ZNF550: variants seen among roughly 807,000 people sequenced by gnomAD.
The protein encoded by ZNF550 is zinc finger protein 550.
In ZNF550, 42 loss-of-function variants were observed where a neutral mutation model predicts 40.2. The observed-to-expected ratio is 1.05, with a 90% CI of 0.82 to 1.35. ZNF550 has a LOEUF of 1.35. ZNF550 is among the 40% of genes most tolerant of loss of function. The pLI, the probability that ZNF550 is intolerant of heterozygous loss-of-function variation, is 0.00. For synonymous variants in ZNF550, 223 were observed against 198.6 expected, an observed-to-expected ratio of 1.12 and a Z score of -1.03; for missense variants, 549 against 525.2, an observed-to-expected ratio of 1.05 and a Z score of -0.44.
At chr19:57,559,518 C>T in intron 1 of ZNF550, 138 bp downstream of exon 1, 1 of 828,402 alleles carries the variant, frequency 1.2e-6, no homozygotes, top group Non-Finnish European at 1.6e-6. Flanking sequence ...GACCCGGGAC[C>T]GCGCGACCCC....
intron 4 of ZNF550, chr19:57,543,320 C>T (rs1296219523): frequency 2.4e-6 from 1 of 425,066 alleles, no homozygotes; most frequent in Non-Finnish European, 3.1e-6. Flanking sequence ...TCTGACATTC[C>T]CCTCTACCCC....
At chr19:57,547,187 T>C (rs1329452868) in exon 4 of ZNF550, 3 of 1,611,652 alleles carry the variant, frequency 1.9e-6, no homozygotes, top group Non-Finnish European at 2.5e-6. Flanking sequence ...GAGCTGCATC[T>C]GAAGGCCTTT....
intron 3 of ZNF550, among the ~76,000 whole-genome samples, chr19:57,551,078 A>T (rs914970468): frequency 3.9e-5 from 6 of 151,960 alleles, no homozygotes; most frequent in South Asian, 4.1e-4. Flanking sequence ...GATTTTTTTT[A>T]AAAAAAGCAA....
At chr19:57,555,891 G>A in intron 2 of ZNF550, 1 of 308,158 alleles carries the variant, frequency 3.2e-6, no homozygotes, top group Non-Finnish European at 6.3e-6. Context: ...CTTCTGGGGG[G>A]CTGCCTGACT....
intron 4 of ZNF550, among the ~76,000 whole-genome samples, chr19:57,544,740 A>G (rs114204778): frequency 7.9e-5 from 12 of 152,346 alleles, no homozygotes; most frequent in African/African-American, 2.9e-4. Context: ...TGAGAAAATG[A>G]TAATTTTCTA....
intron 3 of ZNF550, among the ~76,000 whole-genome samples, chr19:57,549,335 C>T (rs887259259): frequency 6.6e-6 from 1 of 152,072 alleles, no homozygotes; most frequent in African/African-American, 2.4e-5. Context: ...ATCCCAGCTA[C>T]TCGGGAGGCT....
chr19:57,556,544 TGA>T lies in ZNF550; in HGVS notation c.28-189_28-188del, dbSNP rs2090123258. 4.8e-6 allele frequency: 3 copies of T among 621,978 alleles called. No individual in the cohort carries two copies. The Admixed American group carries it at 9.9e-5, about 21-fold the overall frequency. The allele number at this position is 621,978 out of a possible 1,614,324, so 38.5% of individuals were successfully genotyped here. On this transcript the variant is annotated intron_variant, in intron 1 of 4. Transcript: ENST00000457177. ...TGCCTTTTGACAATGCAATTGTGCC[TGA>T]GAGAAAAGCCTTCTATGGGGAAGCT...
At chr19:57,546,967 G>C (rs376718380) in exon 4 of ZNF550, 1 of 1,596,904 alleles carries the variant, frequency 6.3e-7, no homozygotes, top group Non-Finnish European at 8.6e-7. Context: ...TGCAGCAATA[G>C]GGTTCTCTCA....
At chr19:57,547,470 T>C (rs771761718) in exon 4 of ZNF550, 4 of 1,613,724 alleles carry the variant, frequency 2.5e-6, no homozygotes, top group Non-Finnish European at 3.4e-6. Flanking sequence ...GGCACTTGTA[T>C]GGTTTCTCCC....
At chr19:57,544,705 A>C (rs766774511) in intron 4 of ZNF550, 48 of 670,504 alleles carry the variant, frequency 7.2e-5, no homozygotes, top group Non-Finnish European at 8.8e-5. Flanking sequence ...GCAGTGCTTT[A>C]AAAGGTTGTG....
chr19:57,544,647 G>A (rs2089992437), intron 4 of ZNF550: 5 of 979,802 alleles, frequency 5.1e-6, no homozygotes, highest in African/African-American at 1.8e-5. Context: ...ATGTGCAAAA[G>A]GACCACAGTA....
At chr19:57,548,868 TGTATAC>T (rs1362482131) in intron 3 of ZNF550, among the ~76,000 whole-genome samples, 1 of 152,220 alleles carries the variant, frequency 6.6e-6, no homozygotes, top group African/African-American at 2.4e-5. Flanking sequence ...AAATGTGGTG[TGTATAC>T]ACAATGGGGT....
chr19:57,551,151 G>A (rs1440395091), intron 3 of ZNF550, among the ~76,000 whole-genome samples: 2 of 152,148 alleles, frequency 1.3e-5, no homozygotes. Flanking sequence ...ATGACTAGAG[G>A]TAAGATCTCC....
chr19:57,551,015 T>G (rs1051439787), intron 3 of ZNF550, among the ~76,000 whole-genome samples: 3 of 152,194 alleles, frequency 2.0e-5, no homozygotes, highest in Non-Finnish European at 4.4e-5. Flanking sequence ...GGTTTTGTAT[T>G]GTGCACACTT....
chr19:57,555,514 T>C (rs1175136508), intron 2 of ZNF550: 3 of 152,762 alleles, frequency 2.0e-5, no homozygotes. Flanking sequence ...AATTTTTGTA[T>C]TTTTAGTACA....
intron 4 of ZNF550, chr19:57,544,176 G>C: frequency 3.0e-6 from 3 of 985,446 alleles, no homozygotes; most frequent in Non-Finnish European, 3.6e-6. Context: ...ACTCTTCTAA[G>C]TATGACCACA....
chr19:57,555,391 T>G (rs961271396), intron 2 of ZNF550: 1 of 152,412 alleles, frequency 6.6e-6, no homozygotes, highest in African/African-American at 2.4e-5. Context: ...CAGGCTAGAA[T>G]GCACTGGCGC....
chr19:57,549,338 G>A (rs1344871972), intron 3 of ZNF550, among the ~76,000 whole-genome samples: 1 of 152,046 alleles, frequency 6.6e-6, no homozygotes, highest in African/African-American at 2.4e-5. Context: ...CCAGCTACTC[G>A]GGAGGCTGAG....
chr19:57,547,891 G>A (rs1185573273), exon 4 of ZNF550: 1 of 1,614,060 alleles, frequency 6.2e-7, no homozygotes, highest in Non-Finnish European at 8.5e-7. Context: ...CGAATCACTT[G>A]AGGTTGAAGA....
Sources: gnomAD v4.1 joint callset for allele counts (sites outside exome capture counted in the v4.1 genomes callset) on GRCh38, gnomAD v4.1.1 for gene constraint, MANE v1.5 for transcripts, NCBI Gene and HGNC (gene_info 2026-07-23, HGNC 2026-07-21) for gene names.